Variants in ARMC2 observed in about 807,000 individuals in gnomAD.
The protein encoded by ARMC2 is armadillo repeat-containing protein 2.
Under a neutral mutation model 90.3 loss-of-function variants are expected in ARMC2, and 67 were observed. The observed-to-expected ratio is 0.74, with a 90% CI of 0.61 to 0.91. The LOEUF (loss-of-function observed/expected upper bound fraction) is 0.91, where lower values mean the gene tolerates loss of function less well. ARMC2 is among the 40% of genes least tolerant of loss of function. ARMC2 has a pLI of 0.00. For synonymous variants in ARMC2, 393 were observed against 393.0 expected (o/e 1.00, Z 0.00); for missense variants, 920 against 1,030.9 (o/e 0.89, Z 1.47).
At chr6:108,900,998 G>A (rs1490396064) in intron 7 of ARMC2, among the ~76,000 whole-genome samples, 1 of 150,594 alleles carries the variant, frequency 6.6e-6, no homozygotes, top group Non-Finnish European at 1.5e-5. Flanking sequence ...GTCTGGATAA[G>A]GGTTACACAA....
At chr6:109,012,580 A>G in the ARMC2 span, among the ~76,000 whole-genome samples, 1 of 152,196 alleles carries the variant, frequency 6.6e-6, no homozygotes, top group Non-Finnish European at 1.5e-5. Context: ...ATGGTGGTTC[A>G]AGATAGGCTT....
chr6:108,866,184 G>A (rs924478213), intron 3 of ARMC2, among the ~76,000 whole-genome samples: 4 of 152,108 alleles, frequency 2.6e-5, no homozygotes, highest in South Asian at 2.1e-4. Flanking sequence ...AAAACCACAC[G>A]TCTATCTTCA....
chr6:108,953,310 C>T lies in ARMC2; in HGVS notation c.1874C>T (p.Ala625Val), dbSNP rs762972241. Reference sequence around the variant, plus strand: ...CACCCGGGCGTGGGCCCGGTGCTGGCCGCCAACCCGGGGATAGTGGGCCTG... The same window carrying T: ...CACCCGGGCGTGGGCCCGGTGCTGGTCGCCAACCCGGGGATAGTGGGCCTG... ...AIHPGVGPVL[A>V]ANPGIVGLLL... The change falls in exon 13 of 18, where the codon GCC becomes GTC. Residue 625 changes from alanine (A) to valine (V), a missense_variant. Transcript: ENST00000392644. 6.2e-7 allele frequency: 1 copy of T among 1,609,522 alleles called. No individual in the cohort carries two copies. The highest frequency in any genetic ancestry group is 1.7e-5 in the Admixed American group (1 of 59,986).
At chr6:108,991,228 A>AGTGTGTGTGTGTGTGTGTGTGTGT in the ARMC2 span, among the ~76,000 whole-genome samples, 3 of 148,048 alleles carry the variant, frequency 2.0e-5, no homozygotes, top group Non-Finnish European at 4.5e-5. Flanking sequence ...TCAAATTATG[A>AGTGTGTGTGTGTGTGTGTGTGTGT]GTGTGTGTGT....
the ARMC2 span, among the ~76,000 whole-genome samples, chr6:109,013,480 C>G: frequency 6.6e-6 from 1 of 152,138 alleles, no homozygotes; most frequent in African/African-American, 2.4e-5. Context: ...CTCTCCTGAC[C>G]AAGTGGCTTC....
the ARMC2 span, chr6:109,009,273 G>A: frequency 8.3e-7 from 1 of 1,211,808 alleles, no homozygotes; most frequent in Non-Finnish European, 1.1e-6. Flanking sequence ...AGGAGGCAAC[G>A]TGACCTCCGT....
the ARMC2 span, chr6:108,990,661 A>G: frequency 1.3e-5 from 21 of 1,613,938 alleles, no homozygotes. Context: ...CCAAACATGC[A>G]GTGAATATAG....
chr6:108,941,266 C>T (rs562793312), intron 12 of ARMC2, among the ~76,000 whole-genome samples: 7 of 152,276 alleles, frequency 4.6e-5, no homozygotes, highest in African/African-American at 1.7e-4. Flanking sequence ...CCTGTGAGGC[C>T]TCCCAAGCAA....
chr6:109,007,785 CTTT>C, the ARMC2 span, among the ~76,000 whole-genome samples: 885 of 103,306 alleles, frequency 8.6e-3, 11 homozygotes, highest in African/African-American at 0.028. Context: ...AGTCCAGGTA[CTTT>C]TTTTTTTTTT....
the ARMC2 span, among the ~76,000 whole-genome samples, chr6:109,005,711 T>C: frequency 6.6e-6 from 1 of 152,164 alleles, no homozygotes. Context: ...GTCTCCCCTC[T>C]TCCTTAGCCT....
At chr6:108,964,634 C>T (rs984326885) in intron 16 of ARMC2, among the ~76,000 whole-genome samples, 10 of 152,100 alleles carry the variant, frequency 6.6e-5, no homozygotes, top group South Asian at 2.1e-4. Flanking sequence ...ATTAGCCAGG[C>T]GTTGTGGCAC....
At chr6:108,912,128 CCTT>C (rs986753764) in intron 9 of ARMC2, among the ~76,000 whole-genome samples, 2 of 152,120 alleles carry the variant, frequency 1.3e-5, no homozygotes, top group African/African-American at 4.8e-5. Context: ...ACAATCCCAT[CCTT>C]CTGCTGAAAT....
chr6:108,907,709 C>T (rs1772928228), intron 8 of ARMC2: 10 of 1,609,518 alleles, frequency 6.2e-6, no homozygotes, highest in East Asian at 4.5e-5. Context: ...CCCCGAGATG[C>T]TCCCCTTCTT....
At chr6:108,905,389 T>C (rs1772575676) in intron 8 of ARMC2, among the ~76,000 whole-genome samples, 1 of 152,148 alleles carries the variant, frequency 6.6e-6, no homozygotes, top group Admixed American at 6.6e-5. Context: ...TTGTGATATG[T>C]GGTCAAGAAA....
intron 6 of ARMC2, among the ~76,000 whole-genome samples, chr6:108,897,350 G>C (rs1272551119): frequency 2.6e-5 from 4 of 152,212 alleles, no homozygotes; most frequent in African/African-American, 7.2e-5. Context: ...AAGGGATTGT[G>C]AATCTGTACT....
chr6:108,873,571 G>A (rs935360234), intron 4 of ARMC2, among the ~76,000 whole-genome samples: 2 of 152,114 alleles, frequency 1.3e-5, no homozygotes, highest in Non-Finnish European at 2.9e-5. Context: ...TGGAAATGTG[G>A]GGCCCTTTGT....
chr6:109,009,320 C>G, the ARMC2 span: 1 of 1,454,536 alleles, frequency 6.9e-7, no homozygotes, highest in Non-Finnish European at 9.0e-7. Context: ...CCCACCCGCC[C>G]AGGTACCCAG....
the ARMC2 span, chr6:108,990,629 C>G: frequency 3.7e-6 from 6 of 1,612,448 alleles, no homozygotes; most frequent in Non-Finnish European, 5.1e-6. Context: ...TTTATAAACA[C>G]AGAAAGAAGA....
chr6:109,048,226 A>G, the ARMC2 span, among the ~76,000 whole-genome samples: 1 of 152,168 alleles, frequency 6.6e-6, no homozygotes, highest in Admixed American at 6.5e-5. Context: ...CAAAGGCCTC[A>G]ATAAACATTC....
Sources: gnomAD v4.1 joint callset for allele counts (sites outside exome capture counted in the v4.1 genomes callset) on GRCh38, gnomAD v4.1.1 for gene constraint, MANE v1.5 for transcripts, NCBI Gene and HGNC (gene_info 2026-07-23, HGNC 2026-07-21) for gene names.